The following ADAMTS9 variants were observed in gnomAD, a reference collection of about 807,000 sequenced individuals.
The protein encoded by ADAMTS9 is ADAM metallopeptidase with thrombospondin type 1 motif 9.
ADAMTS9 carries 107 observed loss-of-function variants against 257.1 expected under a neutral mutation model. The ratio of observed to expected loss-of-function variants is 0.42; its 90% CI spans 0.36 to 0.49. The LOEUF is 0.49. ADAMTS9 is among the 20% of genes least tolerant of loss of function. The probability of loss-of-function intolerance (pLI) is 0.03; values close to 1 mark genes in which losing one functional copy is unlikely to be tolerated. For synonymous variants in ADAMTS9, 982 were observed against 880.9 expected, an observed-to-expected ratio of 1.11 and a Z score of -2.03; for missense variants, 2,353 against 2,469.1, an observed-to-expected ratio of 0.95 and a Z score of 1.00.
At chr3:64,578,088 C>T (rs1033476837) in intron 28 of ADAMTS9, among the ~76,000 whole-genome samples, 1 of 152,114 alleles carries the variant, frequency 6.6e-6, no homozygotes, top group Non-Finnish European at 1.5e-5. Flanking sequence ...CTAAGATTTG[C>T]ATACGTGTCT....
At chr3:64,602,457 T>G (rs772444145) in intron 25 of ADAMTS9, among the ~76,000 whole-genome samples, 2 of 152,170 alleles carry the variant, frequency 1.3e-5, no homozygotes, top group Non-Finnish European at 2.9e-5. Flanking sequence ...CTATCCTTCC[T>G]TCCAGTGATT....
At chr3:64,664,276 G>C (rs576647236) in intron 3 of ADAMTS9, among the ~76,000 whole-genome samples, 33 of 152,136 alleles carry the variant, frequency 2.2e-4, no homozygotes, top group African/African-American at 7.7e-4. Flanking sequence ...TTTAATATTA[G>C]TTTGGTAAGA....
chr3:64,541,464 G>A (rs1559754130), intron 34 of ADAMTS9, 50 bp from the exon 35 acceptor site: 15 of 1,606,412 alleles, frequency 9.3e-6, no homozygotes, highest in South Asian at 2.2e-5. Context: ...ATGAGGTAAT[G>A]AGAGCGGTGA....
At chr3:64,684,012 G>A (rs931764089) in intron 2 of ADAMTS9, among the ~76,000 whole-genome samples, 1 of 152,132 alleles carries the variant, frequency 6.6e-6, no homozygotes, top group Admixed American at 6.6e-5. Context: ...TAGGATTTGA[G>A]CATGTGAAGA....
At chr3:64,629,505 G>C (rs1027420446) in intron 16 of ADAMTS9, among the ~76,000 whole-genome samples, 1 of 152,154 alleles carries the variant, frequency 6.6e-6, no homozygotes, top group Non-Finnish European at 1.5e-5. Flanking sequence ...CCCTCTGCCT[G>C]GAATGCTCTT....
intron 29 of ADAMTS9, chr3:64,565,636 T>G (rs2083526025): frequency 6.6e-6 from 1 of 152,230 alleles, no homozygotes. Flanking sequence ...TCTATAGCGA[T>G]AGGATAAGTT....
Position 64,649,676 on chromosome 3 carries a change from T to A in ADAMTS9, c.1566A>T (p.Glu522Asp). The change falls in exon 10 of 40, where the codon GAA becomes GAT. Residue 522 changes from glutamate to aspartate, a missense_variant. Glu to Asp is a conservative substitution (Grantham distance 45). Transcript: ENST00000498707. Reference protein sequence around the residue: ...GILYNVNKQCELIFGPGSQVC... With the variant: ...GILYNVNKQCDLIFGPGSQVC... The stretch of plus-strand genomic sequence containing the variant: ...CCTGAGAACCTGGTCCAAAAATCAA[T>A]TCACATTGTTTATTCACGTTGTAAA... 6.2e-7 allele frequency: 1 copy of A among 1,613,950 alleles called. No individual in the cohort carries two copies. Among genetic ancestry groups the A allele is most frequent in the Non-Finnish European group, 8.5e-7 (1 of 1,179,944 alleles).
intron 32 of ADAMTS9, among the ~76,000 whole-genome samples, chr3:64,545,205 C>T (rs934870684): frequency 4.5e-4 from 68 of 152,322 alleles, no homozygotes; most frequent in African/African-American, 1.6e-3. Context: ...TGTGGCTATT[C>T]CTCAAGGATC....
At chr3:64,577,287 A>C (rs1417740136) in intron 28 of ADAMTS9, among the ~76,000 whole-genome samples, 4 of 152,144 alleles carry the variant, frequency 2.6e-5, no homozygotes, top group African/African-American at 4.8e-5. Context: ...ACAGGGCTCT[A>C]TTAGCCTGTT....
chr3:64,637,086 T>A (rs1326294981), intron 12 of ADAMTS9, among the ~76,000 whole-genome samples: 1 of 152,184 alleles, frequency 6.6e-6, no homozygotes, highest in Non-Finnish European at 1.5e-5. Flanking sequence ...AAAGGCAGGT[T>A]ACAATTTCTT....
intron 38 of ADAMTS9, among the ~76,000 whole-genome samples, chr3:64,527,657 GT>G (rs954797608): frequency 4.6e-5 from 7 of 150,964 alleles, no homozygotes; most frequent in Admixed American, 2.0e-4. Flanking sequence ...AGCATATAGG[GT>G]TTTTTTTTCT....
chr3:64,621,031 C>G (rs1700090287), intron 19 of ADAMTS9, 83 bp downstream of exon 19: 1 of 1,494,958 alleles, frequency 6.7e-7, no homozygotes. Flanking sequence ...GACCAGCATC[C>G]CCTCCTTTTG....
intron 16 of ADAMTS9, among the ~76,000 whole-genome samples, chr3:64,623,953 C>T (rs1323120904): frequency 6.6e-6 from 1 of 151,920 alleles, no homozygotes; most frequent in African/African-American, 2.4e-5. Flanking sequence ...CTGCTTGAAT[C>T]GAGTGCCAAA....
intron 38 of ADAMTS9, among the ~76,000 whole-genome samples, chr3:64,531,238 T>C (rs576580739): frequency 2.6e-5 from 4 of 152,186 alleles, no homozygotes; most frequent in Admixed American, 6.5e-5. Flanking sequence ...AATGTCCCAA[T>C]TGGACGTTTC....
rs1433298952 is a variant in ADAMTS9, at chr3:64,687,680, G to T, written c.-23C>A. On this transcript the variant is annotated 5_prime_UTR_variant, in exon 1 of 40. Coordinates refer to ENST00000498707, the MANE Select transcript of ADAMTS9 (RefSeq NM_182920.2). This position sits in a 1 kb window ranked among gnomAD's most constrained non-coding sequence, Gnocchi z 4.4. The stretch of plus-strand genomic sequence containing the variant: ...CATGGTGCTTCCCACCCCTCCCTCC[G>T]CTGCCCCCACCCCCCTCCCTCCTGC... 3 of 1,346,900 alleles carry T rather than the reference G, an allele frequency of 2.2e-6. No homozygotes were observed. Among genetic ancestry groups the T allele is most frequent in the Non-Finnish European group, 3.0e-6 (3 of 1,016,782 alleles). The allele number at this position is 1,346,900 out of a possible 1,614,324, so 83.4% of individuals were successfully genotyped here.
At chr3:64,529,591 G>C (rs1466144967) in intron 38 of ADAMTS9, among the ~76,000 whole-genome samples, 1 of 152,208 alleles carries the variant, frequency 6.6e-6, no homozygotes, top group Non-Finnish European at 1.5e-5. Flanking sequence ...ATCGTAGTAG[G>C]TATCGAGTGG....
chr3:64,685,905 C>CT (rs1396994574), intron 2 of ADAMTS9, among the ~76,000 whole-genome samples: 1 of 152,192 alleles, frequency 6.6e-6, no homozygotes, highest in Non-Finnish European at 1.5e-5. Flanking sequence ...CACCCCCACT[C>CT]TCGGTTCCAC....
At chr3:64,593,448 T>C (rs1421996603) in intron 28 of ADAMTS9, among the ~76,000 whole-genome samples, 5 of 152,238 alleles carry the variant, frequency 3.3e-5, no homozygotes. Context: ...TCTATTTACA[T>C]GAAACAGCCC....
chr3:64,519,694 A>G (rs1181745865), intron 39 of ADAMTS9, among the ~76,000 whole-genome samples: 1 of 152,180 alleles, frequency 6.6e-6, no homozygotes, highest in Non-Finnish European at 1.5e-5. Context: ...AAAAACAAAA[A>G]CAATATGACC....
Sources: allele counts gnomAD v4.1 joint callset (sites outside exome capture counted in the v4.1 genomes callset), GRCh38; gene constraint gnomAD v4.1.1; non-coding constraint Gnocchi (gnomAD v3.1); transcripts MANE v1.5; gene names NCBI Gene and HGNC (gene_info 2026-07-23, HGNC 2026-07-21).